Variants in CSMD1 observed in about 807,000 individuals in gnomAD.
CSMD1 encodes CUB and Sushi multiple domains 1, also known as CUB and sushi domain-containing protein 1.
CSMD1 carries 213 observed loss-of-function variants against 417.5 expected under a neutral mutation model. That is an observed-to-expected ratio of 0.51 (90% confidence interval 0.46 to 0.57). The LOEUF (loss-of-function observed/expected upper bound fraction) is 0.57. CSMD1 is among the 20% of genes least tolerant of loss of function. The pLI, the probability that CSMD1 is intolerant of heterozygous loss-of-function variation, is 0.00. For synonymous variants in CSMD1, 2,862 were observed against 1,736.8 expected (o/e 1.65, Z -16.11); for missense variants, 6,923 against 4,529.7 (o/e 1.53, Z -15.17).
At chr8:3,005,106 T>G (rs1207557547) in intron 52 of CSMD1, among the ~76,000 whole-genome samples, 1 of 152,092 alleles carries the variant, frequency 6.6e-6, no homozygotes, top group African/African-American at 2.4e-5. Context: ...ACCACTGCAC[T>G]CCAGCCTGGA....
chr8:4,245,165 T>C lies in CSMD1; in HGVS notation c.415+174788A>G, dbSNP rs920641501. Among the ~76,000 whole-genome samples, 6 of 152,212 alleles carry C rather than the reference T, an allele frequency of 3.9e-5. No individual in the cohort carries two copies. In the East Asian group the frequency reaches 5.8e-4, roughly 15 times the overall value. On this transcript the variant is annotated intron_variant, in intron 3 of 69. Transcript: ENST00000635120. ...GGAAATGCCTGGGTTCAGAATCTCA[T>C]TCCCCATCTTATTAGTGGCATGCTG...
chr8:4,634,010 A>C (rs77023631), intron 2 of CSMD1, among the ~76,000 whole-genome samples: 1 of 151,084 alleles, frequency 6.6e-6, no homozygotes, highest in Admixed American at 6.6e-5. Context: ...AAAAAAAAAA[A>C]CAATGAAGAG....
chr8:3,650,635 A>G (rs1425451591), intron 7 of CSMD1, among the ~76,000 whole-genome samples: 3 of 152,200 alleles, frequency 2.0e-5, no homozygotes, highest in African/African-American at 4.8e-5. Flanking sequence ...GGCTGTGGAT[A>G]TTTAAGAGAA....
intron 50 of CSMD1, 71 bp downstream of exon 50, chr8:3,052,391 C>T (rs1007254068): frequency 1.6e-5 from 21 of 1,279,640 alleles, no homozygotes; most frequent in South Asian, 7.7e-5. Context: ...CGTGGGAACC[C>T]GGACTTCTCC....
chr8:3,522,814 G>C (rs181517185), intron 10 of CSMD1, among the ~76,000 whole-genome samples: 2 of 150,642 alleles, frequency 1.3e-5, no homozygotes, highest in African/African-American at 2.4e-5. Flanking sequence ...ATTAAATTAC[G>C]TATTTTATTT....
chr8:3,343,365 G>C lies in CSMD1; in HGVS notation c.3560C>G (p.Ser1187Cys). 1 of 1,613,736 alleles carries C rather than the reference G, an allele frequency of 6.2e-7. No individual in the cohort carries two copies. Among genetic ancestry groups the C allele is most frequent in the African/African-American group, 1.3e-5 (1 of 75,042 alleles). The part of the protein sequence containing the change: ...ELLGLILNST[S>C]NHLWLEFNTN... The stretch of plus-strand genomic sequence containing the variant: ...GTTGAACTCTAGCCACAGGTGATTG[G>C]ATGTGCTGTTTAGGATCAGCCCCAG... The change falls in exon 23 of 70, where the codon TCC becomes TGC. Residue 1187 changes from serine (S) to cysteine (C), a missense_variant. Ser to Cys is a moderately radical substitution (Grantham distance 112, BLOSUM62 -1). Transcript: ENST00000635120.
At chr8:4,359,503 A>G (rs918371352) in intron 3 of CSMD1, among the ~76,000 whole-genome samples, 2 of 152,160 alleles carry the variant, frequency 1.3e-5, no homozygotes, top group African/African-American at 4.8e-5. Flanking sequence ...TCTCTTATAG[A>G]CTTCCCCAAC....
Position 4,933,557 on chromosome 8 carries a change from T to C in CSMD1, c.85+60775A>G, listed in dbSNP as rs1414324282. ...GAAAAATACTTTCGAAAAGTAGCAC[T>C]TTGATACATACAATACTGGAAGTTT... On this transcript the variant is annotated intron_variant, in intron 1 of 69. Transcript: ENST00000635120. Among the ~76,000 whole-genome samples, 8 of 152,314 alleles carry C rather than the reference T, an allele frequency of 5.3e-5. No homozygotes were observed. The East Asian group carries it at 1.4e-3, about 26-fold the overall frequency.
chr8:3,547,255 G>T (rs1798706252), intron 10 of CSMD1, among the ~76,000 whole-genome samples: 1 of 152,156 alleles, frequency 6.6e-6, no homozygotes, highest in Non-Finnish European at 1.5e-5. Context: ...TGTGTTATGA[G>T]CACCAAGAAC....
chr8:4,235,769 C>A (rs898753977), intron 3 of CSMD1, among the ~76,000 whole-genome samples: 1 of 152,104 alleles, frequency 6.6e-6, no homozygotes, highest in African/African-American at 2.4e-5. Context: ...CCCATCTGGA[C>A]CCCTAGTCTT....
At chr8:3,817,292 T>TTTTTTTTTTTTTTA (rs1563109891) in intron 5 of CSMD1, among the ~76,000 whole-genome samples, 3 of 93,548 alleles carry the variant, frequency 3.2e-5, no homozygotes, top group African/African-American at 1.6e-4. Flanking sequence ...TTTTTTTTTT[T>TTTTTTTTTTTTTTA]TTTTTTGAGA....
At chr8:4,600,446 T>G (rs1800521233) in intron 2 of CSMD1, among the ~76,000 whole-genome samples, 1 of 152,176 alleles carries the variant, frequency 6.6e-6, no homozygotes, top group Admixed American at 6.5e-5. Context: ...TAAATTCAAG[T>G]GATCATCAAT....
chr8:4,659,809 AT>A (rs1310163236), intron 1 of CSMD1, among the ~76,000 whole-genome samples: 5 of 152,124 alleles, frequency 3.3e-5, no homozygotes, highest in Non-Finnish European at 7.4e-5. Flanking sequence ...CATTTTAATA[AT>A]TTTTAAATTA....
chr8:4,479,071 T>A (rs185348389), intron 2 of CSMD1, among the ~76,000 whole-genome samples: 4 of 152,302 alleles, frequency 2.6e-5, no homozygotes, highest in Admixed American at 2.6e-4. Flanking sequence ...TTCAAATGTT[T>A]ACGTGTGTAA....
chr8:3,577,997 G>C (rs1018548858), intron 9 of CSMD1, among the ~76,000 whole-genome samples: 3 of 152,216 alleles, frequency 2.0e-5, no homozygotes, highest in East Asian at 3.9e-4. Context: ...GGTGAACAGA[G>C]TGTCTGTTGT....
At chr8:4,157,454 TC>T (rs370317755) in intron 3 of CSMD1, among the ~76,000 whole-genome samples, 1 of 152,092 alleles carries the variant, frequency 6.6e-6, no homozygotes, top group African/African-American at 2.4e-5. Flanking sequence ...CCTCCTTCCC[TC>T]CCTCCTTCAC....
chr8:4,830,310 C>T (rs1179550364), intron 1 of CSMD1, among the ~76,000 whole-genome samples: 1 of 152,160 alleles, frequency 6.6e-6, no homozygotes, highest in African/African-American at 2.4e-5. Flanking sequence ...CTTTCTTTTT[C>T]CTACATTTCT....
intron 3 of CSMD1, among the ~76,000 whole-genome samples, chr8:4,201,045 C>A (rs763944512): frequency 1.3e-5 from 2 of 152,152 alleles, no homozygotes; most frequent in Non-Finnish European, 2.9e-5. Context: ...GAGACGAATT[C>A]AAACACCATT....
chr8:4,746,455 A>G (rs535723296), intron 1 of CSMD1, among the ~76,000 whole-genome samples: 4 of 152,216 alleles, frequency 2.6e-5, no homozygotes, highest in East Asian at 1.9e-4. Context: ...GCTCACCACA[A>G]TATCAGGCTC....
Sources: allele counts gnomAD v4.1 joint callset (sites outside exome capture counted in the v4.1 genomes callset), GRCh38; gene constraint gnomAD v4.1.1; transcripts MANE v1.5; gene names NCBI Gene and HGNC (gene_info 2026-07-23, HGNC 2026-07-21).